TSEN54: variants seen among roughly 807,000 people sequenced by gnomAD.
The protein encoded by TSEN54 is tRNA splicing endonuclease subunit 54, also known as tRNA-splicing endonuclease subunit Sen54.
In TSEN54, 55 loss-of-function variants were observed where a neutral mutation model predicts 61.9. The observed-to-expected ratio is 0.89, with a 90% confidence interval of 0.72 to 1.11. The LOEUF (loss-of-function observed/expected upper bound fraction) is 1.11. Among genes scored for constraint, TSEN54 ranks in the 50% most tolerant of loss-of-function variants. TSEN54 has a pLI of 0.00. For synonymous variants in TSEN54, 304 were observed against 288.7 expected, an observed-to-expected ratio of 1.05 and a Z score of -0.54; for missense variants, 760 against 687.7, an observed-to-expected ratio of 1.11 and a Z score of -1.18.
Position 75,519,413 on chromosome 17 carries a change from GTT to G in TSEN54, c.521+368_521+369del, listed in dbSNP as rs752780561. Among the ~76,000 whole-genome samples the G allele has an allele frequency of 6.6e-5, 10 of 152,294 alleles. No individual in the cohort carries two copies. The East Asian group carries it at 1.9e-3, about 29-fold the overall frequency. Reference sequence around the variant, plus strand: ...GGGTGAAGAATTTACCATTAGTAGGGTTTCACATTTTTCATGCCAGGTTAAAT... The same window carrying G: ...GGGTGAAGAATTTACCATTAGTAGGGTCACATTTTTCATGCCAGGTTAAAT... On this transcript the variant is annotated intron_variant, in intron 6 of 10. Coordinates refer to ENST00000333213, the MANE Select transcript of TSEN54 (RefSeq NM_207346.3).
intron 8 of TSEN54, 47 bp from the exon 9 acceptor site, chr17:75,523,228 G>T: frequency 6.2e-7 from 1 of 1,613,890 alleles, no homozygotes; most frequent in South Asian, 1.1e-5. Context: ...GGCAGACTGA[G>T]AAATGTGACT....
chr17:75,520,708 C>A (rs889218078), intron 6 of TSEN54, among the ~76,000 whole-genome samples: 1 of 152,072 alleles, frequency 6.6e-6, no homozygotes, highest in African/African-American at 2.4e-5. Context: ...GTAATCCCAG[C>A]ACTTTAGGAG....
intron 5 of TSEN54, chr17:75,518,529 T>C (rs1460103735): frequency 1.0e-6 from 1 of 985,272 alleles, no homozygotes; most frequent in Non-Finnish European, 1.2e-6. Context: ...CATTCTTATC[T>C]ATGTTCCTCT....
chr17:75,522,922 C>G, intron 8 of TSEN54: 8 of 355,806 alleles, frequency 2.2e-5, no homozygotes, highest in South Asian at 2.0e-4. Context: ...GGCTCATACC[C>G]GTAATCCCAG....
At position 75,522,070 on chromosome 17, in the gene TSEN54, G is replaced by C; in HGVS notation, c.989G>C (p.Arg330Pro). 7 of 1,587,604 alleles carry C rather than the reference G, an allele frequency of 4.4e-6. No homozygotes were observed. Among genetic ancestry groups the C allele is most frequent in the Non-Finnish European group, 6.0e-6 (7 of 1,167,572 alleles). The change falls in exon 8 of 11, where the codon CGG (arginine) becomes CCG (proline). Residue 330 changes from arginine to proline, a missense_variant. Physicochemically the swap from Arg to Pro is moderately radical, Grantham distance 103. Coordinates refer to ENST00000333213, the MANE Select transcript of TSEN54 (RefSeq NM_207346.3). ...PELLPANVAG[R>P]ETDAESWCQK... is the part of the protein sequence containing the mutation. ...CTGCTCCCGGCCAACGTGGCTGGGC[G>C]GGAGACAGACGCTGAGTCCTGGTGC...
At chr17:75,520,440 G>A (rs2053415760) in intron 6 of TSEN54, among the ~76,000 whole-genome samples, 2 of 141,182 alleles carry the variant, frequency 1.4e-5, no homozygotes, top group African/African-American at 2.7e-5. Context: ...AAAAAAATCA[G>A]CCAGGTGTGG....
intron 8 of TSEN54, chr17:75,522,617 TGATCCCAACCTGTTA>T: frequency 2.5e-6 from 3 of 1,203,284 alleles, no homozygotes; most frequent in Non-Finnish European, 3.3e-6. Flanking sequence ...CAACTAGCTG[TGATCCCAACCTGTTA>T]GATGGGAAAA....
At position 75,522,221 on chromosome 17, in the gene TSEN54, G is replaced by C; in HGVS notation, c.1140G>C (p.Glu380Asp). Residue 380 changes from glutamate to aspartate, a missense_variant, in exon 8 of 11, where the codon GAG becomes GAC. Glu to Asp is a conservative substitution (Grantham distance 45). This residue lies in a region of TSEN54 where 667 missense variants were observed against 577.8 expected (regional missense o/e 1.15). Transcript: ENST00000333213. ...PEVQRCSSWREYKELLQRRQV... is the reference protein window; with the variant it reads ...PEVQRCSSWRDYKELLQRRQV... The stretch of plus-strand genomic sequence containing the variant: ...TGCAGCGGTGCTCCAGCTGGCGGGA[G>C]TACAAGGAGCTGCTGCAGCGGCGGC... The C allele has an allele frequency of 6.5e-7, 1 of 1,549,220 alleles. No homozygotes were observed. The highest frequency in any genetic ancestry group is 8.7e-7 in the Non-Finnish European group (1 of 1,145,880).
At chr17:75,521,162 G>A (rs1342130917) in intron 6 of TSEN54, among the ~76,000 whole-genome samples, 3 of 152,216 alleles carry the variant, frequency 2.0e-5, no homozygotes, top group African/African-American at 4.8e-5. Context: ...GTTATCCAAG[G>A]TTTTTATTTT....
At position 75,518,974 on chromosome 17, in the gene TSEN54, ATTT is replaced by A. The variant is rs553358538; in HGVS notation, c.469-11_469-9del. 7.9e-7 allele frequency: 1 copy of A among 1,261,030 alleles called. No homozygotes were observed. The highest frequency in any genetic ancestry group is 1.9e-5 in the Admixed American group (1 of 51,464). 78.1% of individuals were successfully genotyped at this position (1,261,030 alleles called of 1,614,324 possible). On this transcript the variant is annotated intron_variant, in intron 5 of 10. Transcript: ENST00000333213. ...TTCCAGAGTGGCCATCTGAGCTTTC[ATTT>A]TTTTTTTTTCTTTTGAGGTCTTCAG...
Position 75,521,408 on chromosome 17 carries a change from GCTCTGTCCTGTC to G in TSEN54, c.523_534del (p.Ser175_Ser178del). 6.2e-7 allele frequency: 1 copy of G among 1,613,922 alleles called. No individual in the cohort carries two copies. Among genetic ancestry groups the G allele is most frequent in the African/African-American group, 1.3e-5 (1 of 75,048 alleles). ...GCCCACCCGCTGTTCTCACCCCACA[GCTCTGTCCTGTC>G]CCCGTATGAGAGGCAGCTTAACCTG... On this transcript the variant is annotated inframe_deletion and splice_region_variant, in exon 7 of 11. Transcript: ENST00000333213.
intron 5 of TSEN54, 135 bp downstream of exon 5, chr17:75,517,790 C>G: frequency 1.3e-6 from 1 of 782,852 alleles, no homozygotes. Context: ...TGTCACGAGG[C>G]TTACATTGTG....
chr17:75,516,769 G>T lies in TSEN54; in HGVS notation c.80G>T (p.Arg27Leu). The T allele has an allele frequency of 6.3e-7, 1 of 1,576,002 alleles. No individual in the cohort carries two copies. The highest frequency in any genetic ancestry group is 8.6e-7 in the Non-Finnish European group (1 of 1,169,276). Residue 27 changes from arginine (R) to leucine (L), a missense_variant, in exon 2 of 11, where the codon CGC (arginine) becomes CTC (leucine). By Grantham distance (102) the Arg-to-Leu change is moderately radical. This residue lies in a region of TSEN54 where 667 missense variants were observed against 577.8 expected (regional missense o/e 1.15). Transcript: ENST00000333213. ...VLSARELFAA[R>L]SRSQKLPQRS... ...AGCGCCCGGGAGCTCTTCGCCGCCCGCTCGCGGTCGCAGAAGCTGCCCCAG... is the reference window on the plus strand; with the variant it reads ...AGCGCCCGGGAGCTCTTCGCCGCCCTCTCGCGGTCGCAGAAGCTGCCCCAG...
At chr17:75,520,585 CA>C (rs200508248) in intron 6 of TSEN54, among the ~76,000 whole-genome samples, 23 of 131,638 alleles carry the variant, frequency 1.7e-4, no homozygotes, top group East Asian at 4.2e-4. Context: ...AACTCTATCT[CA>C]AAAAAAAAAG....
intron 6 of TSEN54, among the ~76,000 whole-genome samples, chr17:75,520,077 T>G (rs761245464): frequency 6.6e-6 from 1 of 151,602 alleles, no homozygotes; most frequent in African/African-American, 2.4e-5. Flanking sequence ...ACACTCACTG[T>G]GCAAAATCAG....
Position 75,521,469 on chromosome 17 carries a change from G to A in TSEN54, c.582G>A (p.Glu194=). The change falls in exon 7 of 11, where the codon GAG becomes GAA. Residue 194 remains glutamate (E), a synonymous_variant. Coordinates refer to ENST00000333213, the MANE Select transcript of TSEN54 (RefSeq NM_207346.3). ...TGGATGCCAGCGTGCAGCACTTGGA[G>A]GATGGAGATGGCAAGAGAAAGAGGA... ...LNLDASVQHL[E]DGDGKRKRSS... is the part of the protein sequence containing the mutation. The A allele has an allele frequency of 1.2e-6, 2 of 1,614,108 alleles. No individual in the cohort carries two copies. Among genetic ancestry groups the A allele is most frequent in the Non-Finnish European group, 1.7e-6 (2 of 1,180,026 alleles).
chr17:75,521,556 G>C (rs1156792250), intron 7 of TSEN54, 46 bp downstream of exon 7: 5 of 1,602,010 alleles, frequency 3.1e-6, no homozygotes, highest in Non-Finnish European at 4.3e-6. Context: ...CTGGTGTCTG[G>C]GACCTTGGAA....
intron 5 of TSEN54, chr17:75,518,715 G>A (rs1157290486): frequency 3.0e-6 from 3 of 985,270 alleles, no homozygotes; most frequent in Non-Finnish European, 2.4e-6. Context: ...AGTATTTCAG[G>A]GCGTGGTGGT....
In TSEN54 at chr17:75,516,678, CGGCGCCCGGGACCCGGCCAGGCG is replaced by C; in HGVS notation, c.56+64_57-44del. On this transcript the variant is annotated intron_variant, in intron 1 of 10. Coordinates refer to ENST00000333213, the MANE Select transcript of TSEN54 (RefSeq NM_207346.3). ...GCGGGGCCAGCGCGGGTAGGGAAAC[CGGCGCCCGGGACCCGGCCAGGCG>C]GCCCCCGATGCGCGGCGCTGACCCC... The C allele has an allele frequency of 2.3e-6, 3 of 1,295,282 alleles. No individual in the cohort carries two copies. In the South Asian group the frequency reaches 6.9e-5, roughly 30 times the overall value. 80.2% of individuals were successfully genotyped at this position (1,295,282 alleles called of 1,614,324 possible).
Sources: allele counts gnomAD v4.1 joint callset (sites outside exome capture counted in the v4.1 genomes callset), GRCh38; gene constraint gnomAD v4.1.1; regional missense constraint gnomAD v4.1.1; transcripts MANE v1.5; gene names NCBI Gene and HGNC (gene_info 2026-07-23, HGNC 2026-07-21).